Variants in NRF1 observed in about 807,000 individuals in gnomAD.
NRF1 encodes alpha palindromic-binding protein.
In NRF1, 5 loss-of-function variants were observed where a neutral mutation model predicts 58.5. The ratio of observed to expected loss-of-function variants is 0.09; its 90% CI spans 0.04 to 0.18. The LOEUF (loss-of-function observed/expected upper bound fraction) is 0.18. Ranked by LOEUF, NRF1 falls within the 10% of genes least tolerant of loss-of-function variation. The probability of loss-of-function intolerance (pLI) is 1.00; values close to 1 mark genes in which losing one functional copy is unlikely to be tolerated. For missense variants in NRF1, 288 were observed against 657.7 expected (o/e 0.44, Z 6.15); for synonymous variants, 224 against 246.7 (o/e 0.91, Z 0.86).
At chr7:129,695,588 AC>A (rs1414019292) in intron 5 of NRF1, among the ~76,000 whole-genome samples, 2 of 150,536 alleles carry the variant, frequency 1.3e-5, no homozygotes, top group African/African-American at 2.4e-5. Context: ...AAAAAAAAAA[AC>A]AAAAAAAACT....
intron 10 of NRF1, among the ~76,000 whole-genome samples, chr7:129,740,477 G>A (rs1002534201): frequency 2.6e-5 from 4 of 152,124 alleles, no homozygotes; most frequent in South Asian, 2.1e-4. Flanking sequence ...TCCCTACTTC[G>A]GGAAGCCTGT....
Position 129,619,948 on chromosome 7 carries a change from T to G in NRF1, c.-7+8124T>G, listed in dbSNP as rs187160384. 2.0e-3 allele frequency among the ~76,000 whole-genome samples: 304 copies of G among 152,150 alleles called. 3 individuals carry two copies. The highest frequency in any genetic ancestry group is 0.017 in the Middle Eastern group (5 of 294). ...TGTGTGACCCTGAATCCCTTAAAAT[T>G]GTTTGAAAAGTTATGTGTGAGTGCA... On this transcript the variant is annotated intron_variant, in intron 1 of 10. Coordinates refer to ENST00000393232, the MANE Select transcript of NRF1 (RefSeq NM_005011.5).
At chr7:129,706,657 AC>A (rs1802956893) in intron 5 of NRF1, among the ~76,000 whole-genome samples, 1 of 152,234 alleles carries the variant, frequency 6.6e-6, no homozygotes, top group African/African-American at 2.4e-5. Context: ...TGCTGAGCCC[AC>A]CTTTCAAGTA....
chr7:129,641,672 T>C (rs2151067726), intron 1 of NRF1: 1 of 152,280 alleles, frequency 6.6e-6, no homozygotes, highest in South Asian at 2.1e-4. Flanking sequence ...ACTCAGCTTA[T>C]TTTATTTTTA....
At chr7:129,615,424 T>TA (rs1554400977) in intron 1 of NRF1, among the ~76,000 whole-genome samples, 1 of 1,710 alleles carries the variant, frequency 5.8e-4, no homozygotes, top group East Asian at 0.028. Context: ...TGTGTGTGAC[T>TA]GTGTGATGCT....
Sources: allele counts gnomAD v4.1 joint callset (sites outside exome capture counted in the v4.1 genomes callset), GRCh38; gene constraint gnomAD v4.1.1; transcripts MANE v1.5; gene names NCBI Gene and HGNC (gene_info 2026-07-23, HGNC 2026-07-21).